BRMS1L: variants seen among roughly 807,000 people sequenced by gnomAD.
BRMS1L encodes the protein BRMS1 like transcriptional repressor.
In BRMS1L, 23 loss-of-function variants were observed where a neutral mutation model predicts 50.3. The observed-to-expected ratio is 0.46, with a 90% CI of 0.33 to 0.65. The LOEUF is 0.65. Among genes scored for constraint, BRMS1L ranks in the 30% least tolerant of loss-of-function variants. BRMS1L has a pLI of 0.02. For missense variants in BRMS1L, 286 were observed against 386.1 expected (o/e 0.74, Z 2.17); for synonymous variants, 114 against 126.9 (o/e 0.90, Z 0.69).
At position 35,862,584 on chromosome 14, in the gene BRMS1L, C is replaced by T. The variant is rs1337026232; in HGVS notation, c.442-6C>T. 15 of 1,567,804 alleles carry T rather than the reference C, an allele frequency of 9.6e-6. No homozygotes were observed. The highest frequency in any genetic ancestry group is 1.4e-5 in the African/African-American group (1 of 73,432). ...CTACTTAAGTATAATCTGTTTTTCT[C>T]CCCAGAGCGAAAAGCTGTTGCTATA... On this transcript the variant is annotated splice_polypyrimidine_tract_variant and splice_region_variant and intron_variant, in intron 4 of 9. Coordinates refer to ENST00000216807, the MANE Select transcript of BRMS1L (RefSeq NM_032352.4).
chr14:35,850,393 C>G (rs1211299321), intron 4 of BRMS1L, among the ~76,000 whole-genome samples: 1 of 151,472 alleles, frequency 6.6e-6, no homozygotes, highest in East Asian at 2.0e-4. Context: ...TTTTAGTAGA[C>G]ATGGCATTTC....
intron 4 of BRMS1L, among the ~76,000 whole-genome samples, chr14:35,853,149 TA>T (rs2078234893): frequency 6.6e-6 from 1 of 152,178 alleles, no homozygotes; most frequent in South Asian, 2.1e-4. Flanking sequence ...AAAAGGGATT[TA>T]AAAAGTCTAT....
chr14:35,835,052 TA>T (rs3058641), intron 4 of BRMS1L, 129 bp downstream of exon 4: 27,443 of 380,468 alleles, frequency 0.072, no homozygotes, highest in Middle Eastern at 0.088. Context: ...TGTGTGTGAT[TA>T]AAAAAAAAAA....
At chr14:35,846,545 C>T (rs1006970314) in intron 4 of BRMS1L, among the ~76,000 whole-genome samples, 7 of 151,918 alleles carry the variant, frequency 4.6e-5, no homozygotes, top group African/African-American at 1.7e-4. Context: ...AATTTCAGGC[C>T]AGTTATTTTG....
intron 4 of BRMS1L, among the ~76,000 whole-genome samples, chr14:35,839,781 T>C (rs922562245): frequency 6.6e-6 from 1 of 152,246 alleles, no homozygotes; most frequent in Non-Finnish European, 1.5e-5. Flanking sequence ...GCTGAGACGA[T>C]GGGGTTATCT....
intron 4 of BRMS1L, among the ~76,000 whole-genome samples, chr14:35,844,617 G>A (rs767624686): frequency 1.3e-5 from 2 of 152,122 alleles, no homozygotes; most frequent in African/African-American, 4.8e-5. Context: ...CTGCCGACCC[G>A]AGCTGTTCCT....
chr14:35,858,553 C>A (rs750196682), intron 4 of BRMS1L: 1 of 152,184 alleles, frequency 6.6e-6, no homozygotes, highest in African/African-American at 2.4e-5. Context: ...CTTAACACAA[C>A]AATAAACATT....
At chr14:35,837,635 C>G (rs1266918833) in intron 4 of BRMS1L, among the ~76,000 whole-genome samples, 3 of 152,140 alleles carry the variant, frequency 2.0e-5, no homozygotes, top group Non-Finnish European at 2.9e-5. Context: ...ACTGCATCCT[C>G]TGCCTCCCGA....
intron 4 of BRMS1L, among the ~76,000 whole-genome samples, chr14:35,858,880 GT>G (rs2078315007): frequency 6.6e-6 from 1 of 151,570 alleles, no homozygotes; most frequent in African/African-American, 2.4e-5. Flanking sequence ...AGAGGTGACT[GT>G]TTTTATGGCC....
At chr14:35,854,406 G>A (rs2078253186) in intron 4 of BRMS1L, among the ~76,000 whole-genome samples, 1 of 152,198 alleles carries the variant, frequency 6.6e-6, no homozygotes, top group African/African-American at 2.4e-5. Context: ...CAAGTCTGCA[G>A]TCATTCGTCG....
chr14:35,834,584 T>C (rs1376669849), intron 3 of BRMS1L, among the ~76,000 whole-genome samples: 1 of 152,182 alleles, frequency 6.6e-6, no homozygotes. Context: ...ATCAAACATT[T>C]AGGAGTAATC....
At chr14:35,827,865 T>G (rs7144448) in intron 1 of BRMS1L, among the ~76,000 whole-genome samples, 53,238 of 151,980 alleles carry the variant, frequency 0.35, 13,038 homozygotes, top group African/African-American at 0.68. Context: ...TAGAATTTGG[T>G]TTGGGGTGGT....
chr14:35,856,164 A>G (rs1234419881), intron 4 of BRMS1L, among the ~76,000 whole-genome samples: 1 of 152,210 alleles, frequency 6.6e-6, no homozygotes, highest in Admixed American at 6.5e-5. Flanking sequence ...GCAGGACCAG[A>G]GACTGGACAT....
chr14:35,870,461 C>A lies in BRMS1L; in HGVS notation c.956C>A (p.Ser319Ter). 1.3e-6 allele frequency: 2 copies of A among 1,592,946 alleles called. No homozygotes were observed. The highest frequency in any genetic ancestry group is 1.1e-5 in the South Asian group (1 of 89,144). ...TCACAGCTACAGAAAGGAAAATATT[C>A]AATTAAACATTCATAATCATGATTT... ...YISQLQKGKY[S>*]IKHS Residue 319 changes from serine (S) to a stop codon, truncating the protein, a stop_gained, in exon 10 of 10, where the codon TCA (serine) becomes TAA (stop). Transcript: ENST00000216807. LOFTEE classifies it high-confidence loss of function.
chr14:35,853,586 A>G (rs2078242180), intron 4 of BRMS1L, among the ~76,000 whole-genome samples: 1 of 144,836 alleles, frequency 6.9e-6, no homozygotes, highest in African/African-American at 2.5e-5. Context: ...GCTAATTAAG[A>G]AAAAAAAAAA....
chr14:35,842,284 C>T (rs1316658000), intron 4 of BRMS1L, among the ~76,000 whole-genome samples: 1 of 152,116 alleles, frequency 6.6e-6, no homozygotes, highest in African/African-American at 2.4e-5. Context: ...ATGGTCTTTA[C>T]AATTTGGTAT....
intron 4 of BRMS1L, among the ~76,000 whole-genome samples, chr14:35,852,973 G>A (rs1001012732): frequency 5.6e-5 from 8 of 143,166 alleles, no homozygotes; most frequent in African/African-American, 2.1e-4. Flanking sequence ...ATTTCTATCA[G>A]TCTTTGCTTT....
At chr14:35,842,672 G>A (rs936386218) in intron 4 of BRMS1L, among the ~76,000 whole-genome samples, 5 of 152,038 alleles carry the variant, frequency 3.3e-5, no homozygotes, top group African/African-American at 4.8e-5. Flanking sequence ...TGCTCTTCTC[G>A]AGGAGTATCT....
chr14:35,871,297 G>C lies in BRMS1L; in HGVS notation c.*820G>C, dbSNP rs1022663298. ...TGTACATGTCTGGTCTTTTGAAACAGATTTTAGTAAGCATTTTCCAGAGGT... is the reference window on the plus strand; with the variant it reads ...TGTACATGTCTGGTCTTTTGAAACACATTTTAGTAAGCATTTTCCAGAGGT... On this transcript the variant is annotated 3_prime_UTR_variant, in exon 10 of 10. Coordinates refer to ENST00000216807, the MANE Select transcript of BRMS1L (RefSeq NM_032352.4). 3.7e-4 allele frequency: 56 copies of C among 152,684 alleles called. No homozygotes were observed. Among genetic ancestry groups the C allele is most frequent in the African/African-American group, 1.3e-3 (54 of 41,542 alleles). The allele number at this position is 152,684 out of a possible 1,614,324, so 9.5% of individuals were successfully genotyped here. A position where few individuals can be genotyped will look rare whatever the true frequency, so the allele number is the denominator to read the frequency against.
Sources: gnomAD v4.1 joint callset for allele counts (sites outside exome capture counted in the v4.1 genomes callset) on GRCh38, gnomAD v4.1.1 for gene constraint, MANE v1.5 for transcripts, NCBI Gene and HGNC (gene_info 2026-07-23, HGNC 2026-07-21) for gene names.